The following SYT10 variants were observed in gnomAD, a reference collection of about 807,000 sequenced individuals.
SYT10 encodes the protein synaptotagmin-10.
SYT10 carries 31 observed loss-of-function variants against 51.1 expected under a neutral mutation model. The observed-to-expected ratio is 0.61, with a 90% CI of 0.46 to 0.82. The LOEUF is 0.82. Ranked by LOEUF, SYT10 falls within the 40% of genes least tolerant of loss-of-function variation. The pLI is 0.00. For synonymous variants in SYT10, 233 were observed against 225.9 expected, an observed-to-expected ratio of 1.03 and a Z score of -0.28; for missense variants, 603 against 634.0, an observed-to-expected ratio of 0.95 and a Z score of 0.53.
At chr12:33,407,617 G>GT (rs1298120189) in intron 2 of SYT10, among the ~76,000 whole-genome samples, 3 of 151,958 alleles carry the variant, frequency 2.0e-5, no homozygotes, top group Non-Finnish European at 4.4e-5. Context: ...TTTGTTTTTT[G>GT]TTTTTTGAGA....
chr12:33,393,370 A>T (rs551470689), intron 3 of SYT10, among the ~76,000 whole-genome samples: 1 of 152,274 alleles, frequency 6.6e-6, no homozygotes, highest in African/African-American at 2.4e-5. Flanking sequence ...TTCCATCATC[A>T]TTTACAGATA....
chr12:33,385,569 T>G (rs1207321122), intron 3 of SYT10, among the ~76,000 whole-genome samples: 1 of 152,186 alleles, frequency 6.6e-6, no homozygotes, highest in African/African-American at 2.4e-5. Flanking sequence ...CCAAAACTGA[T>G]TCTTCTGTCA....
At position 33,406,952 on chromosome 12, in the gene SYT10, G is replaced by A; in HGVS notation, c.914C>T (p.Ala305Val). The A allele has an allele frequency of 6.2e-7, 1 of 1,614,048 alleles. No homozygotes were observed. The highest frequency in any genetic ancestry group is 1.1e-5 in the South Asian group (1 of 91,074). ...LFDETFQFPV[A>V]YDQLSNRKLH... The stretch of plus-strand genomic sequence containing the variant: ...TTTTCGGTTGCTTAGTTGATCATAT[G>A]CTACAGGAAATTGAAAAGTTTCATC... Residue 305 changes from alanine to valine, a missense_variant, in exon 3 of 7, where the codon GCA (alanine) becomes GTA (valine). Transcript: ENST00000228567.
At chr12:33,383,204 C>T (rs1433382054) in intron 4 of SYT10, among the ~76,000 whole-genome samples, 1 of 151,956 alleles carries the variant, frequency 6.6e-6, no homozygotes, top group Non-Finnish European at 1.5e-5. Flanking sequence ...ACTTTTGCAC[C>T]TTTTATTCAA....
intron 2 of SYT10, among the ~76,000 whole-genome samples, chr12:33,420,651 C>T (rs1866494795): frequency 6.6e-6 from 1 of 151,990 alleles, no homozygotes; most frequent in African/African-American, 2.4e-5. Flanking sequence ...GACTCTGTAT[C>T]AAAACAACAA....
chr12:33,394,094 T>G (rs1423578632), intron 3 of SYT10, among the ~76,000 whole-genome samples: 1 of 152,216 alleles, frequency 6.6e-6, no homozygotes, highest in African/African-American at 2.4e-5. Context: ...ATGATAACAG[T>G]GTGTTTGGGC....
intron 2 of SYT10, chr12:33,408,193 ATAATGAGTTGTTTC>A (rs1866375973): frequency 1.3e-5 from 2 of 152,206 alleles, no homozygotes; most frequent in Non-Finnish European, 2.9e-5. Context: ...ACATTTTCTT[ATAATGAGTTGTTTC>A]TAATTCTTAA....
chr12:33,435,492 A>G (rs1218772477), intron 1 of SYT10, among the ~76,000 whole-genome samples: 1 of 152,188 alleles, frequency 6.6e-6, no homozygotes. Flanking sequence ...GGAGGAAGGA[A>G]AAATATCCTC....
intron 3 of SYT10, among the ~76,000 whole-genome samples, chr12:33,394,441 G>C (rs1418993089): frequency 6.6e-6 from 1 of 152,114 alleles, no homozygotes; most frequent in East Asian, 1.9e-4. Context: ...CTAAATATTA[G>C]GGCAAGAACT....
At chr12:33,390,531 T>C (rs1208631426) in intron 3 of SYT10, among the ~76,000 whole-genome samples, 2 of 150,992 alleles carry the variant, frequency 1.3e-5, no homozygotes. Flanking sequence ...TCTTACAAAT[T>C]TTTTATTATG....
At chr12:33,407,452 A>T in intron 2 of SYT10, 96 bp from the exon 3 acceptor site, 1 of 1,304,834 alleles carries the variant, frequency 7.7e-7, no homozygotes, top group Non-Finnish European at 1.0e-6. Flanking sequence ...CCCCCAGAAT[A>T]GTGAAAAGAT....
intron 3 of SYT10, among the ~76,000 whole-genome samples, chr12:33,400,567 C>A (rs1388269221): frequency 1.8e-5 from 2 of 108,520 alleles, no homozygotes; most frequent in Middle Eastern, 4.1e-3. Flanking sequence ...GTGTGTAGAA[C>A]ACAGTTGGTG....
intron 2 of SYT10, among the ~76,000 whole-genome samples, chr12:33,410,156 T>C (rs563313746): frequency 1.4e-4 from 21 of 152,238 alleles, no homozygotes; most frequent in Non-Finnish European, 4.4e-5. Flanking sequence ...ACCTTAAGTT[T>C]ATTCTGTGAT....
At chr12:33,392,574 A>G (rs771290160) in intron 3 of SYT10, among the ~76,000 whole-genome samples, 2 of 152,114 alleles carry the variant, frequency 1.3e-5, no homozygotes, top group Non-Finnish European at 2.9e-5. Context: ...GATTTTTTAC[A>G]TCATATTTTC....
intron 4 of SYT10, among the ~76,000 whole-genome samples, chr12:33,384,512 C>G (rs1029962317): frequency 6.6e-6 from 1 of 152,132 alleles, no homozygotes; most frequent in Non-Finnish European, 1.5e-5. Context: ...TTCCACAGAG[C>G]TGTGCCAGTG....
intron 3 of SYT10, among the ~76,000 whole-genome samples, chr12:33,404,695 T>C (rs1253727228): frequency 6.6e-6 from 1 of 152,186 alleles, no homozygotes; most frequent in Non-Finnish European, 1.5e-5. Context: ...CCTGGCCCCA[T>C]GTTAGGTTTC....
At chr12:33,413,660 T>C (rs12821064) in intron 2 of SYT10, among the ~76,000 whole-genome samples, 4 of 151,874 alleles carry the variant, frequency 2.6e-5, no homozygotes, top group East Asian at 3.9e-4. Context: ...ACCAGGCCTG[T>C]CCTAAAAGAG....
chr12:33,435,181 T>C (rs906827241), intron 1 of SYT10, among the ~76,000 whole-genome samples: 4 of 152,190 alleles, frequency 2.6e-5, no homozygotes, highest in African/African-American at 9.7e-5. Context: ...GAGCTTGGTA[T>C]ACAAAATCAT....
chr12:33,389,274 G>A (rs1335789271), intron 3 of SYT10, among the ~76,000 whole-genome samples: 4 of 152,008 alleles, frequency 2.6e-5, no homozygotes, highest in Admixed American at 6.6e-5. Context: ...GTAGGTTCCT[G>A]GGTCAAAAAA....
Sources: gnomAD v4.1 joint callset for allele counts (sites outside exome capture counted in the v4.1 genomes callset) on GRCh38, gnomAD v4.1.1 for gene constraint, MANE v1.5 for transcripts, NCBI Gene and HGNC (gene_info 2026-07-23, HGNC 2026-07-21) for gene names.